The following PEX5L variants were observed in gnomAD, a reference collection of about 807,000 sequenced individuals.
PEX5L encodes PEX5-related protein.
PEX5L carries 30 observed loss-of-function variants against 84.0 expected under a neutral mutation model. That is an observed-to-expected ratio of 0.36 (90% CI 0.27 to 0.48). The LOEUF (loss-of-function observed/expected upper bound fraction) is 0.48, where lower values mean the gene tolerates loss of function less well. Ranked by LOEUF, PEX5L falls within the 20% of genes least tolerant of loss-of-function variation. The probability of loss-of-function intolerance (pLI) is 0.99; values close to 1 mark genes in which losing one functional copy is unlikely to be tolerated. For synonymous variants in PEX5L, 270 were observed against 283.1 expected (o/e 0.95, Z 0.46); for missense variants, 533 against 754.6 (o/e 0.71, Z 3.44).
rs370411197 is a variant in PEX5L at position 179,951,690 on chromosome 3, C to T, written c.93+19904G>A. Among the ~76,000 whole-genome samples, 71 of 152,192 alleles carry T rather than the reference C, an allele frequency of 4.7e-4. 1 individual carries two copies. In the East Asian group the frequency reaches 7.5e-3, roughly 16 times the overall value. ...ATACCAACCCCACATGATATAATAC[C>T]AGATTTCCTTTTTGTGAGACAGAAA... On this transcript the variant is annotated intron_variant, in intron 2 of 14. Transcript: ENST00000467460.
chr3:180,024,737 G>A (rs2110522618), intron 1 of PEX5L, among the ~76,000 whole-genome samples: 1 of 152,072 alleles, frequency 6.6e-6, no homozygotes, highest in Admixed American at 6.6e-5. Flanking sequence ...TAACTGGGGA[G>A]GTCAGGGCTG....
intron 8 of PEX5L, among the ~76,000 whole-genome samples, chr3:179,821,329 T>C (rs1209645220): frequency 6.6e-6 from 1 of 152,214 alleles, no homozygotes; most frequent in Non-Finnish European, 1.5e-5. Context: ...AATCTCAGTG[T>C]CTATGATTCG....
intron 1 of PEX5L, among the ~76,000 whole-genome samples, chr3:179,990,771 C>T (rs893277183): frequency 6.6e-6 from 1 of 152,132 alleles, no homozygotes; most frequent in Admixed American, 6.5e-5. Flanking sequence ...GTCCCAGGAA[C>T]ATTGCTCAGC....
intron 2 of PEX5L, among the ~76,000 whole-genome samples, chr3:179,955,672 T>C (rs1780346855): frequency 6.6e-6 from 1 of 152,048 alleles, no homozygotes; most frequent in Admixed American, 6.6e-5. Context: ...TTCAGAAAAA[T>C]AGAATCTATA....
intron 1 of PEX5L, among the ~76,000 whole-genome samples, chr3:180,034,022 G>C (rs1226662942): frequency 6.6e-6 from 1 of 152,192 alleles, no homozygotes; most frequent in South Asian, 2.1e-4. Context: ...AGATGAATTA[G>C]CCATATGTAT....
chr3:179,836,309 G>T (rs1368436743), intron 8 of PEX5L, among the ~76,000 whole-genome samples: 1 of 152,144 alleles, frequency 6.6e-6, no homozygotes, highest in African/African-American at 2.4e-5. Flanking sequence ...ACAAACATTA[G>T]ATGTATACTT....
At chr3:179,973,059 G>T in intron 1 of PEX5L, 2 of 607,958 alleles carry the variant, frequency 3.3e-6, no homozygotes, top group Non-Finnish European at 4.6e-6. Flanking sequence ...TTTTGCTTTT[G>T]TATTCTTTTT....
chr3:179,830,974 G>A (rs895621138), intron 8 of PEX5L, among the ~76,000 whole-genome samples: 3 of 152,070 alleles, frequency 2.0e-5, no homozygotes, highest in African/African-American at 7.2e-5. Flanking sequence ...CATTCATCTC[G>A]GGGCTATTAT....
At chr3:179,869,865 T>C (rs960856843) in intron 7 of PEX5L, among the ~76,000 whole-genome samples, 4 of 152,216 alleles carry the variant, frequency 2.6e-5, no homozygotes, top group African/African-American at 9.7e-5. Context: ...CTTCCCAATA[T>C]GGCTTTTGTT....
intron 2 of PEX5L, among the ~76,000 whole-genome samples, chr3:179,924,445 T>C (rs1770787167): frequency 6.6e-6 from 1 of 152,218 alleles, no homozygotes; most frequent in South Asian, 2.1e-4. Context: ...AGAGAAAGCA[T>C]GTTTTTAAAC....
At chr3:179,861,907 T>TGA (rs748854160) in intron 7 of PEX5L, among the ~76,000 whole-genome samples, 8 of 152,276 alleles carry the variant, frequency 5.3e-5, no homozygotes, top group Non-Finnish European at 1.0e-4. Context: ...TGATATCATG[T>TGA]GAGAGAATTT....
chr3:179,877,125 C>T (rs540591033), intron 5 of PEX5L, among the ~76,000 whole-genome samples: 4 of 152,288 alleles, frequency 2.6e-5, no homozygotes, highest in East Asian at 1.9e-4. Context: ...TTCAGATTTT[C>T]GAATTAGGGA....
rs1206828288 is a variant in PEX5L, at chr3:179,815,313, G to A, written c.1083+548C>T. Among the ~76,000 whole-genome samples, 5 of 152,340 alleles carry A rather than the reference G, an allele frequency of 3.3e-5. No individual in the cohort carries two copies. In the East Asian group the frequency reaches 5.8e-4, roughly 18 times the overall value. Reference sequence around the variant, plus strand: ...TCCCTTGAAATCTACCGCTGGGCGCGGTGGCTCATGCCTGTAATCCCAGCA... The same window carrying A: ...TCCCTTGAAATCTACCGCTGGGCGCAGTGGCTCATGCCTGTAATCCCAGCA... On this transcript the variant is annotated intron_variant, in intron 10 of 14. Coordinates refer to ENST00000467460, the MANE Select transcript of PEX5L (RefSeq NM_016559.3).
At chr3:179,986,461 G>A (rs1786837424) in intron 1 of PEX5L, among the ~76,000 whole-genome samples, 1 of 146,022 alleles carries the variant, frequency 6.8e-6, no homozygotes, top group Non-Finnish European at 1.5e-5. Flanking sequence ...GGAGTGCAGT[G>A]GCGCGATCTC....
intron 1 of PEX5L, among the ~76,000 whole-genome samples, chr3:180,031,234 C>T (rs956754985): frequency 6.6e-6 from 1 of 152,038 alleles, no homozygotes; most frequent in African/African-American, 2.4e-5. Context: ...TAACTATCTT[C>T]CTGTTTATAC....
intron 2 of PEX5L, among the ~76,000 whole-genome samples, chr3:179,957,034 T>C (rs1232623247): frequency 1.3e-5 from 2 of 152,154 alleles, no homozygotes; most frequent in Non-Finnish European, 2.9e-5. Context: ...TCACCTTGAT[T>C]CAATATAAGG....
At chr3:179,989,260 A>G (rs773352734) in intron 1 of PEX5L, among the ~76,000 whole-genome samples, 2 of 152,222 alleles carry the variant, frequency 1.3e-5, no homozygotes, top group Non-Finnish European at 2.9e-5. Flanking sequence ...ACCACGATCT[A>G]GGAGAGCATG....
At chr3:179,863,195 G>A (rs1374179082) in intron 7 of PEX5L, among the ~76,000 whole-genome samples, 1 of 152,082 alleles carries the variant, frequency 6.6e-6, no homozygotes, top group East Asian at 1.9e-4. Context: ...ACTCAAAATG[G>A]ATTGAAGACT....
chr3:179,808,890 A>G (rs959479808), intron 12 of PEX5L, among the ~76,000 whole-genome samples: 3 of 151,666 alleles, frequency 2.0e-5, no homozygotes, highest in Admixed American at 6.6e-5. Context: ...ATCCTGGCTA[A>G]GGTGAAACCC....
Sources: allele counts gnomAD v4.1 joint callset (sites outside exome capture counted in the v4.1 genomes callset), GRCh38; gene constraint gnomAD v4.1.1; transcripts MANE v1.5; gene names NCBI Gene and HGNC (gene_info 2026-07-23, HGNC 2026-07-21).